The following ATG5 variants were observed in gnomAD, a reference collection of about 807,000 sequenced individuals.
ATG5 encodes the protein autophagy related 5.
ATG5 carries 14 observed loss-of-function variants against 36.5 expected under a neutral mutation model. The ratio of observed to expected loss-of-function variants is 0.38; its 90% CI spans 0.25 to 0.60. The LOEUF (loss-of-function observed/expected upper bound fraction) is 0.60, where lower values mean the gene tolerates loss of function less well. Ranked by LOEUF, ATG5 falls within the 20% of genes least tolerant of loss-of-function variation. The probability of loss-of-function intolerance (pLI) is 0.60; values close to 1 mark genes in which losing one functional copy is unlikely to be tolerated. For synonymous variants in ATG5, 95 were observed against 101.5 expected, an observed-to-expected ratio of 0.94 and a Z score of 0.38; for missense variants, 195 against 326.7, an observed-to-expected ratio of 0.60 and a Z score of 3.11.
At chr6:106,212,414 G>A (rs1776885978) in intron 6 of ATG5, among the ~76,000 whole-genome samples, 1 of 152,234 alleles carries the variant, frequency 6.6e-6, no homozygotes, top group Non-Finnish European at 1.5e-5. Flanking sequence ...GCCAAGGCGG[G>A]CGGATCACCT....
At chr6:106,288,587 T>C (rs1039273305) in intron 4 of ATG5, among the ~76,000 whole-genome samples, 5 of 152,236 alleles carry the variant, frequency 3.3e-5, no homozygotes, top group Non-Finnish European at 7.3e-5. Context: ...CAATTACCAT[T>C]AACTTTTAGA....
intron 4 of ATG5, among the ~76,000 whole-genome samples, chr6:106,284,965 T>C (rs1395898415): frequency 1.3e-5 from 2 of 152,222 alleles, no homozygotes; most frequent in African/African-American, 4.8e-5. Flanking sequence ...CAGTCTTGAT[T>C]ATTATAGCTT....
chr6:106,232,954 A>C (rs1192229076), intron 6 of ATG5, among the ~76,000 whole-genome samples: 1 of 152,162 alleles, frequency 6.6e-6, no homozygotes, highest in East Asian at 1.9e-4. Flanking sequence ...TTTCACCCCA[A>C]GGGTTCAGGG....
chr6:106,200,209 TG>T (rs1401529196), intron 7 of ATG5, among the ~76,000 whole-genome samples: 3 of 152,212 alleles, frequency 2.0e-5, no homozygotes, highest in African/African-American at 7.2e-5. Context: ...TCATTTAGGC[TG>T]GAATACCACA....
chr6:106,294,824 C>T (rs2787543), intron 3 of ATG5, among the ~76,000 whole-genome samples: 11,258 of 141,284 alleles, frequency 0.08, 463 homozygotes, highest in South Asian at 0.12. Context: ...GCCTGGACGA[C>T]AGAGTGAGAC....
In ATG5 at chr6:106,315,423, G is replaced by A. The variant is rs142381028; in HGVS notation, c.108+678C>T. 1.7e-3 allele frequency among the ~76,000 whole-genome samples: 252 copies of A among 152,230 alleles called. 1 individual carries two copies. Among genetic ancestry groups the A allele is most frequent in the African/African-American group, 5.3e-3 (219 of 41,528 alleles). ...GTCATCTCTGACAGAGGCATAAACT[G>A]GGATTATACATGCACTTAGAAAAGG... On this transcript the variant is annotated intron_variant, in intron 2 of 7. Transcript: ENST00000369076.
chr6:106,223,134 T>C (rs2114434438), intron 6 of ATG5, among the ~76,000 whole-genome samples: 1 of 152,296 alleles, frequency 6.6e-6, no homozygotes, highest in South Asian at 2.1e-4. Context: ...TCAGATGATC[T>C]GTTATTTTGA....
chr6:106,291,427 T>C (rs540483044), intron 4 of ATG5, among the ~76,000 whole-genome samples: 2 of 152,334 alleles, frequency 1.3e-5, no homozygotes, highest in East Asian at 3.9e-4. Context: ...TCAGTGTAAA[T>C]GTTAACACAA....
At chr6:106,252,122 G>A (rs1414027863) in intron 5 of ATG5, among the ~76,000 whole-genome samples, 1 of 152,192 alleles carries the variant, frequency 6.6e-6, no homozygotes, top group Non-Finnish European at 1.5e-5. Flanking sequence ...TTACAGGCAT[G>A]AGCCACCGTG....
chr6:106,244,842 G>T (rs1778267562), intron 6 of ATG5, among the ~76,000 whole-genome samples: 1 of 152,152 alleles, frequency 6.6e-6, no homozygotes, highest in Admixed American at 6.5e-5. Flanking sequence ...AAGTATAATG[G>T]CAGGATAACA....
chr6:106,293,152 A>G (rs750048273), intron 3 of ATG5, 46 bp from the exon 4 acceptor site: 9 of 1,520,016 alleles, frequency 5.9e-6, no homozygotes, highest in Non-Finnish European at 8.2e-6. Flanking sequence ...ATTTAAAGTT[A>G]TAACTACAAG....
At chr6:106,275,894 A>G (rs894961876) in intron 5 of ATG5, among the ~76,000 whole-genome samples, 9 of 152,224 alleles carry the variant, frequency 5.9e-5, no homozygotes, top group Non-Finnish European at 1.2e-4. Context: ...TCTCCTCATA[A>G]TGATTTAACT....
intron 6 of ATG5, among the ~76,000 whole-genome samples, chr6:106,242,284 AAAG>A (rs1778159423): frequency 6.6e-6 from 1 of 152,038 alleles, no homozygotes; most frequent in Admixed American, 6.6e-5. Context: ...CCAGCCAAAA[AAAG>A]GACATTCTGA....
chr6:106,240,274 A>G (rs1191875198), intron 6 of ATG5, among the ~76,000 whole-genome samples: 1 of 150,226 alleles, frequency 6.7e-6, no homozygotes, highest in African/African-American at 2.4e-5. Context: ...TTATACAGTT[A>G]TATTTTGCAA....
intron 6 of ATG5, among the ~76,000 whole-genome samples, chr6:106,215,341 C>G (rs773146672): frequency 3.2e-4 from 48 of 152,200 alleles, no homozygotes; most frequent in Admixed American, 1.6e-3. Context: ...GCTCTTCAAA[C>G]AGTCTCACCT....
intron 1 of ATG5, among the ~76,000 whole-genome samples, chr6:106,321,249 A>C (rs1771052465): frequency 6.6e-6 from 1 of 152,116 alleles, no homozygotes; most frequent in Non-Finnish European, 1.5e-5. Flanking sequence ...GTAACCACTC[A>C]ATAAACAATG....
chr6:106,194,403 TTA>T (rs1182296514), intron 7 of ATG5, among the ~76,000 whole-genome samples: 6 of 152,352 alleles, frequency 3.9e-5, no homozygotes, highest in African/African-American at 9.6e-5. Flanking sequence ...AGCATGAGAT[TTA>T]TATGTTTCTT....
chr6:106,193,652 A>T (rs975057392), intron 7 of ATG5, among the ~76,000 whole-genome samples: 1 of 152,194 alleles, frequency 6.6e-6, no homozygotes, highest in African/African-American at 2.4e-5. Flanking sequence ...TAAATACATA[A>T]ATAAACTTTG....
chr6:106,227,899 G>C (rs1777507441), intron 6 of ATG5, among the ~76,000 whole-genome samples: 1 of 152,174 alleles, frequency 6.6e-6, no homozygotes, highest in Middle Eastern at 3.2e-3. Context: ...AATTCAACTT[G>C]AAGGAGAAGG....
Sources: allele counts gnomAD v4.1 joint callset (sites outside exome capture counted in the v4.1 genomes callset), GRCh38; gene constraint gnomAD v4.1.1; transcripts MANE v1.5; gene names NCBI Gene and HGNC (gene_info 2026-07-23, HGNC 2026-07-21).